The following RIPOR2 variants were observed in gnomAD, a reference collection of about 807,000 sequenced individuals.
RIPOR2 encodes rho family-interacting cell polarization regulator 2.
A neutral mutation model predicts 114.5 loss-of-function variants in RIPOR2; 39 were observed. The ratio of observed to expected loss-of-function variants is 0.34; its 90% CI spans 0.26 to 0.44. The LOEUF (loss-of-function observed/expected upper bound fraction) is 0.44. Ranked by LOEUF, RIPOR2 falls within the 20% of genes least tolerant of loss-of-function variation. The pLI is 1.00. For missense variants in RIPOR2, 1,007 were observed against 1,255.1 expected, an observed-to-expected ratio of 0.80 and a Z score of 2.99; for synonymous variants, 445 against 484.4, an observed-to-expected ratio of 0.92 and a Z score of 1.07.
chr6:24,976,965 G>C, intron 1 of RIPOR2: 1 of 1,547,942 alleles, frequency 6.5e-7, no homozygotes, highest in Non-Finnish European at 8.8e-7. Flanking sequence ...ATTGCTGACT[G>C]TGGACAACTC....
chr6:24,954,986 G>A (rs568278717), intron 1 of RIPOR2, among the ~76,000 whole-genome samples: 1 of 152,196 alleles, frequency 6.6e-6, no homozygotes, highest in South Asian at 2.1e-4. Context: ...AGTTGTGGCC[G>A]TTTATATATC....
At chr6:24,965,875 T>C (rs965450888) in intron 1 of RIPOR2, among the ~76,000 whole-genome samples, 1 of 152,214 alleles carries the variant, frequency 6.6e-6, no homozygotes, top group African/African-American at 2.4e-5. Context: ...CTTTCAAACG[T>C]ACTCATCACA....
At chr6:25,004,850 A>G (rs913063983) in intron 1 of RIPOR2, among the ~76,000 whole-genome samples, 4 of 151,802 alleles carry the variant, frequency 2.6e-5, no homozygotes, top group Admixed American at 2.6e-4. Flanking sequence ...TTGAAGGGAG[A>G]CAAACATTTT....
At chr6:24,972,277 G>A (rs761467602) in intron 1 of RIPOR2, among the ~76,000 whole-genome samples, 1 of 152,212 alleles carries the variant, frequency 6.6e-6, no homozygotes, top group Non-Finnish European at 1.5e-5. Flanking sequence ...GAAACTCAAT[G>A]TAAAAGTCAA....
At chr6:24,852,122 T>G (rs1409035875) in intron 9 of RIPOR2, among the ~76,000 whole-genome samples, 1 of 151,948 alleles carries the variant, frequency 6.6e-6, no homozygotes, top group African/African-American at 2.4e-5. Flanking sequence ...ATTAGCCGGC[T>G]GTGGTGGTGC....
At chr6:24,859,251 T>C (rs1763819005) in intron 8 of RIPOR2, among the ~76,000 whole-genome samples, 1 of 152,146 alleles carries the variant, frequency 6.6e-6, no homozygotes, top group Non-Finnish European at 1.5e-5. Context: ...ATAGTACTTT[T>C]TTATATTAGC....
At chr6:24,913,162 TG>T (rs1220174254) in intron 1 of RIPOR2, among the ~76,000 whole-genome samples, 1 of 151,516 alleles carries the variant, frequency 6.6e-6, no homozygotes, top group Non-Finnish European at 1.5e-5. Flanking sequence ...TGTGTGTGTG[TG>T]TGTGTGTGTG....
chr6:25,024,283 C>T (rs769312318), intron 1 of RIPOR2: 44 of 1,535,296 alleles, frequency 2.9e-5, no homozygotes, highest in Non-Finnish European at 3.8e-5. Context: ...TCCACAAACT[C>T]CCTGATGACA....
rs1428232158 is a variant in RIPOR2, at chr6:24,805,328, A to T, written c.*1045T>A. Reference sequence around the variant, plus strand: ...TTAGTCATTTACTTATCATTTTTCCATAATGGAAACATGATTTGGGAATTT... The same window carrying T: ...TTAGTCATTTACTTATCATTTTTCCTTAATGGAAACATGATTTGGGAATTT... On this transcript the variant is annotated 3_prime_UTR_variant, in exon 22 of 22. Coordinates refer to ENST00000643898, the MANE Select transcript of RIPOR2 (RefSeq NM_001286445.3). 6.6e-6 allele frequency: 1 copy of T among 151,834 alleles called. No homozygotes were observed. Among genetic ancestry groups the T allele is most frequent in the Non-Finnish European group, 1.5e-5 (1 of 67,962 alleles). 9.4% of individuals were successfully genotyped at this position (151,834 alleles called of 1,614,324 possible).
At chr6:24,911,830 C>G (rs1287126989) in intron 1 of RIPOR2, among the ~76,000 whole-genome samples, 1 of 152,144 alleles carries the variant, frequency 6.6e-6, no homozygotes, top group African/African-American at 2.4e-5. Context: ...GTCTCCTCAT[C>G]TGTTAAGTGA....
chr6:24,904,815 C>G (rs1768801410), intron 1 of RIPOR2, among the ~76,000 whole-genome samples: 1 of 152,194 alleles, frequency 6.6e-6, no homozygotes, highest in Admixed American at 6.5e-5. Context: ...CGCTTTGTTG[C>G]CCAGGCTGGA....
intron 1 of RIPOR2, among the ~76,000 whole-genome samples, chr6:24,877,865 G>A (rs1010798259): frequency 2.0e-5 from 3 of 152,162 alleles, no homozygotes; most frequent in Admixed American, 6.5e-5. Context: ...ATTTTAAAGA[G>A]AGTAGGGGTA....
chr6:25,001,792 C>T (rs1476218346), intron 1 of RIPOR2, among the ~76,000 whole-genome samples: 1 of 149,564 alleles, frequency 6.7e-6, no homozygotes, highest in Non-Finnish European at 1.5e-5. Context: ...CTCCGCCTCC[C>T]GGGTTTAAGT....
chr6:24,869,103 A>G lies in RIPOR2; in HGVS notation c.492T>C (p.His164=). The change falls in exon 6 of 22, where the codon CAT becomes CAC. Residue 164 remains histidine, a synonymous_variant. Transcript: ENST00000643898. ...CAGGAATTTCAGTTACCTTACTTATATGAAACTCCAGGCGTCTCATGTATC... is the reference window on the plus strand; with the variant it reads ...CAGGAATTTCAGTTACCTTACTTATGTGAAACTCCAGGCGTCTCATGTATC... ...IERYMRRLEF[H]ISKVDELYEA... 6.3e-7 allele frequency: 1 copy of G among 1,577,472 alleles called. No homozygotes were observed. Among genetic ancestry groups the G allele is most frequent in the Non-Finnish European group, 8.7e-7 (1 of 1,155,090 alleles).
intron 14 of RIPOR2, among the ~76,000 whole-genome samples, chr6:24,837,764 C>T (rs1302224061): frequency 6.6e-6 from 1 of 151,926 alleles, no homozygotes; most frequent in African/African-American, 2.4e-5. Flanking sequence ...TTTGCCATGT[C>T]CCCAGATTGC....
chr6:25,015,068 T>G (rs979112893), intron 1 of RIPOR2: 1 of 152,176 alleles, frequency 6.6e-6, no homozygotes, highest in Non-Finnish European at 1.5e-5. Context: ...TTTTGCCACA[T>G]TTATACTTGG....
At chr6:24,887,666 G>A (rs977066083) in intron 1 of RIPOR2, among the ~76,000 whole-genome samples, 2 of 152,142 alleles carry the variant, frequency 1.3e-5, no homozygotes, top group Non-Finnish European at 2.9e-5. Context: ...AGCAGAGTAC[G>A]TTGAAGCTAT....
At chr6:24,916,451 A>G (rs1315344101) in intron 1 of RIPOR2, among the ~76,000 whole-genome samples, 1 of 152,208 alleles carries the variant, frequency 6.6e-6, no homozygotes, top group Non-Finnish European at 1.5e-5. Flanking sequence ...CATATAGGAT[A>G]GTAACCTCTA....
chr6:24,828,967 T>C (rs540347645), intron 17 of RIPOR2, among the ~76,000 whole-genome samples: 2 of 152,314 alleles, frequency 1.3e-5, no homozygotes, highest in East Asian at 1.9e-4. Flanking sequence ...ACAAAGTATC[T>C]GTGAGAATCA....
Sources: allele counts gnomAD v4.1 joint callset (sites outside exome capture counted in the v4.1 genomes callset), GRCh38; gene constraint gnomAD v4.1.1; transcripts MANE v1.5; gene names NCBI Gene and HGNC (gene_info 2026-07-23, HGNC 2026-07-21).